MATR3: variants seen among roughly 807,000 people sequenced by gnomAD.
MATR3 encodes matrin-3.
Under a neutral mutation model 85.5 loss-of-function variants are expected in MATR3, and 4 were observed. That is an observed-to-expected ratio of 0.05 (90% CI 0.02 to 0.11). The LOEUF is 0.11. Among genes scored for constraint, MATR3 ranks in the 10% least tolerant of loss-of-function variants. The probability of loss-of-function intolerance (pLI) is 1.00; values close to 1 mark genes in which losing one functional copy is unlikely to be tolerated. For missense variants in MATR3, 685 were observed against 1,016.1 expected (o/e 0.67, Z 4.43); for synonymous variants, 336 against 343.1 (o/e 0.98, Z 0.23).
chr5:139,309,006 A>G (rs1754839722), intron 2 of MATR3, among the ~76,000 whole-genome samples: 1 of 152,202 alleles, frequency 6.6e-6, no homozygotes, highest in African/African-American at 2.4e-5. Context: ...GACTTGGACA[A>G]ATCAACTACT....
chr5:139,317,349 T>G (rs1170594999), intron 6 of MATR3, among the ~76,000 whole-genome samples: 1 of 152,220 alleles, frequency 6.6e-6, no homozygotes, highest in Non-Finnish European at 1.5e-5. Flanking sequence ...GCGTACAATA[T>G]TTAATTTAAA....
At position 139,322,704 on chromosome 5, in the gene MATR3, G is replaced by A. The variant is rs1561942710; in HGVS notation, c.1885G>A (p.Glu629Lys). 1 of 1,614,180 alleles carries A rather than the reference G, an allele frequency of 6.2e-7. No homozygotes were observed. Among genetic ancestry groups the A allele is most frequent in the Non-Finnish European group, 8.5e-7 (1 of 1,180,026 alleles). Reference sequence around the variant, plus strand: ...TTCAACCGAAGGTAAAGAACAAGAAGAGAAGTCCGGTGAAGATGGTGAGAA... The same window carrying A: ...TTCAACCGAAGGTAAAGAACAAGAAAAGAAGTCCGGTGAAGATGGTGAGAA... ...ESSTEGKEQE[E>K]KSGEDGEKDT... The change falls in exon 12 of 15, where the codon GAG (glutamate) becomes AAG (lysine). Residue 629 changes from glutamate (E) to lysine (K), a missense_variant. By Grantham distance (56) the Glu-to-Lys change is moderately conservative. Coordinates refer to ENST00000394805, the MANE Select transcript of MATR3 (RefSeq NM_018834.6).
chr5:139,281,394 G>A (rs1210122167), intron 3 of MATR3, among the ~76,000 whole-genome samples: 1 of 145,678 alleles, frequency 6.9e-6, no homozygotes, highest in African/African-American at 2.5e-5. Context: ...CCAGGCTGGA[G>A]TGCAGTGGCA....
At chr5:139,317,773 T>C in intron 7 of MATR3, 52 bp downstream of exon 7, 1 of 1,445,688 alleles carries the variant, frequency 6.9e-7, no homozygotes, top group Non-Finnish European at 9.5e-7. Flanking sequence ...CTAATATATG[T>C]TCTGCAAGAA....
At chr5:139,320,097 A>G (rs745884250) in intron 9 of MATR3, among the ~76,000 whole-genome samples, 21 of 151,408 alleles carry the variant, frequency 1.4e-4, no homozygotes, top group Non-Finnish European at 1.8e-4. Flanking sequence ...TCACGAGGTC[A>G]GGAGATTGAG....
At chr5:139,324,779 G>A (rs1755761034) in intron 12 of MATR3, among the ~76,000 whole-genome samples, 1 of 152,130 alleles carries the variant, frequency 6.6e-6, no homozygotes, top group South Asian at 2.1e-4. Context: ...TTTAACTTCT[G>A]CTCTTTGTGT....
intron 2 of MATR3, chr5:139,312,417 CTGGTCCCCAAGAAGGCAG>C (rs986322706): frequency 6.6e-6 from 1 of 152,166 alleles, no homozygotes; most frequent in Non-Finnish European, 1.5e-5. Context: ...CATTTTAAAA[CTGGTCCCCAAGAAGGCAG>C]TGGTCCATTA....
intron 1 of MATR3, 128 bp downstream of exon 1, chr5:139,293,933 C>T (rs912299625): frequency 1.2e-5 from 15 of 1,230,180 alleles, no homozygotes; most frequent in Admixed American, 4.2e-5. Flanking sequence ...CGCTCCCGCT[C>T]TGCCTCCCTC....
chr5:139,330,274 A>G lies in MATR3; in HGVS notation c.*879A>G, dbSNP rs1756073775. The G allele has an allele frequency of 2.2e-6, 1 of 453,528 alleles. No homozygotes were observed. Among genetic ancestry groups the G allele is most frequent in the Non-Finnish European group, 4.4e-6 (1 of 226,208 alleles). The allele number at this position is 453,528 out of a possible 1,614,324, so 28.1% of individuals were successfully genotyped here. A position where few individuals can be genotyped will look rare whatever the true frequency, so the allele number is the denominator to read the frequency against. ...GCACGCTTCTAATTCATGTACCTGC[A>G]CATGTGACCTTTGTGAACAGAAATT... is the stretch of plus-strand genomic sequence containing the variant. On this transcript the variant is annotated 3_prime_UTR_variant, in exon 15 of 15. Transcript: ENST00000394805.
chr5:139,300,566 CCTT>C (rs1754386396), intron 1 of MATR3, among the ~76,000 whole-genome samples: 1 of 152,198 alleles, frequency 6.6e-6, no homozygotes, highest in East Asian at 1.9e-4. Flanking sequence ...ATAGATTTTA[CCTT>C]CTTAGTTTTA....
chr5:139,330,733 A>G lies in MATR3; in HGVS notation c.*1338A>G, dbSNP rs1396142426. On this transcript the variant is annotated 3_prime_UTR_variant, in exon 15 of 15. Transcript: ENST00000394805. ...GAAGTAATACGGATGAGCAAGAATT[A>G]GTTCTGCAGCTTTTCAAAATAATTA... The G allele has an allele frequency of 2.2e-6, 1 of 454,114 alleles. No homozygotes were observed. Among genetic ancestry groups the G allele is most frequent in the Non-Finnish European group, 4.4e-6 (1 of 226,780 alleles). 28.1% of individuals were successfully genotyped at this position (454,114 alleles called of 1,614,324 possible).
At position 139,319,323 on chromosome 5, in the gene MATR3, A is replaced by ATT; in HGVS notation, c.1435-9_1435-8dup. 6.2e-7 allele frequency: 1 copy of ATT among 1,613,368 alleles called. No individual in the cohort carries two copies. The highest frequency in any genetic ancestry group is 8.5e-7 in the Non-Finnish European group (1 of 1,179,408). On this transcript the variant is annotated splice_polypyrimidine_tract_variant and intron_variant, in intron 8 of 14. Coordinates refer to ENST00000394805, the MANE Select transcript of MATR3 (RefSeq NM_018834.6). ...GCACATTTGTCCTTTTGTTGTTGTT[A>ATT]TTTATTAAAGAAACCTGAAGGAAAG...
chr5:139,316,161 C>A lies in MATR3; in HGVS notation c.1102C>A (p.Pro368Thr), dbSNP rs746889029. 29 of 1,613,346 alleles carry A rather than the reference C, an allele frequency of 1.8e-5. No homozygotes were observed. Among genetic ancestry groups the A allele is most frequent in the Non-Finnish European group, 2.5e-5 (29 of 1,179,538 alleles). Residue 368 changes from proline to threonine, a missense_variant, in exon 5 of 15, where the codon CCA (proline) becomes ACA (threonine). Pro to Thr is a conservative substitution (Grantham distance 38, BLOSUM62 -1). Coordinates refer to ENST00000394805, the MANE Select transcript of MATR3 (RefSeq NM_018834.6). ...ACCTCCCTCATTTCATCTTGGGGGA[C>A]CAGCAGTTGGACCAAGAGGAAATCT... Reference protein sequence around the residue: ...PPPPSFHLGGPAVGPRGNLGA... With the variant: ...PPPPSFHLGGTAVGPRGNLGA...
At chr5:139,326,345 GGT>G in intron 14 of MATR3, 61 bp downstream of exon 14, 1 of 1,539,992 alleles carries the variant, frequency 6.5e-7, no homozygotes, top group Non-Finnish European at 9.0e-7. Context: ...AAATAAGTGG[GGT>G]ATATAAGTAA....
chr5:139,315,723 A>G lies in MATR3; in HGVS notation c.1001A>G (p.Asp334Gly), dbSNP rs748501312. The G allele has an allele frequency of 1.9e-6, 3 of 1,611,376 alleles. No individual in the cohort carries two copies. The highest frequency in any genetic ancestry group is 1.7e-5 in the Admixed American group (1 of 60,010). ...TACCCAGAATGGAATCCTGACAATG[A>G]TACAGGACACACAATGTAAGTTAAA... ...EIYPEWNPDNDTGHTMGDPFM... is the reference protein window; with the variant it reads ...EIYPEWNPDNGTGHTMGDPFM... The change falls in exon 4 of 15, where the codon GAT becomes GGT. Residue 334 changes from aspartate to glycine, a missense_variant. Coordinates refer to ENST00000394805, the MANE Select transcript of MATR3 (RefSeq NM_018834.6).
In MATR3 at chr5:139,307,372, ATT is replaced by A; in HGVS notation, c.-34_-33del. On this transcript the variant is annotated 5_prime_UTR_variant, in exon 2 of 15. Transcript: ENST00000394805. The surrounding 1 kb of genome is among the most constrained non-coding windows in gnomAD (Gnocchi z 4.4). The stretch of plus-strand genomic sequence containing the variant: ...TTTCTTTTTGGCCGTCTTTAAAAAA[ATT>A]TTTTTTTTTAATCTATAAAATAGAC... The A allele has an allele frequency of 6.7e-7, 1 of 1,496,342 alleles. No individual in the cohort carries two copies. The allele number at this position is 1,496,342 out of a possible 1,614,324, so 92.7% of individuals were successfully genotyped here.
chr5:139,291,406 T>C (rs1325425143), upstream of MATR3, among the ~76,000 whole-genome samples: 7 of 152,264 alleles, frequency 4.6e-5, no homozygotes. Context: ...AGGCCTAATA[T>C]ATTGACACAG....
At chr5:139,292,330 G>C (rs555377305), upstream of MATR3, among the ~76,000 whole-genome samples, 1 of 152,218 alleles carries the variant, frequency 6.6e-6, no homozygotes, top group East Asian at 1.9e-4. Flanking sequence ...CGCCTCTCAA[G>C]GTTATTGTAG....
At chr5:139,317,826 TAA>T in intron 7 of MATR3, 105 bp downstream of exon 7, 11 of 1,161,886 alleles carry the variant, frequency 9.5e-6, no homozygotes, top group Non-Finnish European at 1.3e-5. Context: ...AAGGTAATCT[TAA>T]GTTTATCAAA....
Sources: allele counts gnomAD v4.1 joint callset (sites outside exome capture counted in the v4.1 genomes callset), GRCh38; gene constraint gnomAD v4.1.1; non-coding constraint Gnocchi (gnomAD v3.1); transcripts MANE v1.5; gene names NCBI Gene and HGNC (gene_info 2026-07-23, HGNC 2026-07-21).